ZMYND8: variants seen among roughly 807,000 people sequenced by gnomAD.
The protein encoded by ZMYND8 is zinc finger MYND-type containing 8, also known as MYND-type zinc finger-containing chromatin reader ZMYND8.
A neutral mutation model predicts 140.8 loss-of-function variants in ZMYND8; 37 were observed. The ratio of observed to expected loss-of-function variants is 0.26; its 90% CI spans 0.20 to 0.35. The LOEUF (loss-of-function observed/expected upper bound fraction) is 0.35, where lower values mean the gene tolerates loss of function less well. ZMYND8 is among the 10% of genes least tolerant of loss of function. The pLI is 1.00. For synonymous variants in ZMYND8, 592 were observed against 597.1 expected, an observed-to-expected ratio of 0.99 and a Z score of 0.12; for missense variants, 1,068 against 1,570.0, an observed-to-expected ratio of 0.68 and a Z score of 5.40.
rs1451231342 is a variant in ZMYND8 at position 47,238,981 on chromosome 20, G to A, written c.2442C>T (p.Ala814=). The part of the protein sequence containing the change: ...TVTVTAPAPA[A]TGSPVKKQRP... ...TCTGCTTTTTCACTGGGCTTCCTGTGGCGGCGGGGGCCGGGGCCGTGACGG... is the reference window on the plus strand; with the variant it reads ...TCTGCTTTTTCACTGGGCTTCCTGTAGCGGCGGGGGCCGGGGCCGTGACGG... The change falls in exon 15 of 23, where the codon GCC becomes GCT. Residue 814 remains alanine, a synonymous_variant. Transcript: ENST00000471951. 6.2e-7 allele frequency: 1 copy of A among 1,610,734 alleles called. No individual in the cohort carries two copies. Among genetic ancestry groups the A allele is most frequent in the Non-Finnish European group, 8.5e-7 (1 of 1,177,074 alleles).
intron 2 of ZMYND8, among the ~76,000 whole-genome samples, chr20:47,330,797 T>C (rs967412694): frequency 2.0e-5 from 3 of 152,182 alleles, no homozygotes; most frequent in East Asian, 1.9e-4. Context: ...GTCTCTAGGA[T>C]AGAAGTTCTA....
intron 2 of ZMYND8, among the ~76,000 whole-genome samples, chr20:47,331,110 A>G (rs912758745): frequency 1.5e-4 from 23 of 152,250 alleles, no homozygotes; most frequent in Admixed American, 1.4e-3. Flanking sequence ...AATGGAACAC[A>G]GAGAGAACAG....
Position 47,356,522 on chromosome 20 carries a change from A to C in ZMYND8, c.14+135T>G, listed in dbSNP as rs1275958053. 5 of 1,609,860 alleles carry C rather than the reference A, an allele frequency of 3.1e-6. No individual in the cohort carries two copies. The African/African-American group carries it at 5.3e-5, about 17-fold the overall frequency. ...CCAAGAAAGCAAAAAAATTCTCTCT[A>C]AACAGTTCCAAGTTAACATAAGTGC... On this transcript the variant is annotated intron_variant, in intron 1 of 22. Coordinates refer to ENST00000471951, the MANE Select transcript of ZMYND8 (RefSeq NM_001281775.3).
At chr20:47,306,973 G>A (rs539828549) in intron 3 of ZMYND8, among the ~76,000 whole-genome samples, 15 of 152,238 alleles carry the variant, frequency 9.9e-5, no homozygotes, top group Non-Finnish European at 1.6e-4. Context: ...AAAGGGGCAG[G>A]CTTGACTCAG....
At position 47,210,623 on chromosome 20, in the gene ZMYND8, CG is replaced by C. The variant is rs552777161; in HGVS notation, c.*137del. On this transcript the variant is annotated 3_prime_UTR_variant, in exon 23 of 23. Transcript: ENST00000471951. ...TCCTGTAGTGTAGCAGCCCCCGCGC[CG>C]GGGGCTCAGGCTCAACTGAGGGTTT... is the stretch of plus-strand genomic sequence containing the variant. The C allele has an allele frequency of 1.7e-5, 24 of 1,441,140 alleles. No homozygotes were observed. In the African/African-American group the frequency reaches 2.8e-4, roughly 17 times the overall value. The allele number at this position is 1,441,140 out of a possible 1,614,324, so 89.3% of individuals were successfully genotyped here.
rs115534354 is a variant in ZMYND8, at chr20:47,331,102, T to C, written c.85+16754A>G. 5.8e-3 allele frequency among the ~76,000 whole-genome samples: 875 copies of C among 151,914 alleles called. 9 individuals carry two copies. The highest frequency in any genetic ancestry group is 0.02 in the African/African-American group (835 of 41,448). Reference sequence around the variant, plus strand: ...CAGAGAGAACGGAACACGGAGAGAATGGAACACAGAGAGAACAGAGACTAG... The same window carrying C: ...CAGAGAGAACGGAACACGGAGAGAACGGAACACAGAGAGAACAGAGACTAG... On this transcript the variant is annotated intron_variant, in intron 2 of 22. Transcript: ENST00000471951.
intron 12 of ZMYND8, among the ~76,000 whole-genome samples, chr20:47,250,590 T>C (rs982354537): frequency 2.0e-5 from 3 of 152,220 alleles, no homozygotes; most frequent in East Asian, 3.8e-4. Context: ...CCTCCATTCA[T>C]TGGGCTGTGA....
intron 17 of ZMYND8, among the ~76,000 whole-genome samples, chr20:47,229,403 AC>A (rs1265008887): frequency 6.6e-6 from 1 of 152,126 alleles, no homozygotes; most frequent in South Asian, 2.1e-4. Context: ...AAAAGTCCAA[AC>A]TTCCAGAGAA....
At chr20:47,262,155 C>T in intron 12 of ZMYND8, 133 bp downstream of exon 12, 1 of 1,256,054 alleles carries the variant, frequency 8.0e-7, no homozygotes, top group African/African-American at 1.5e-5. Flanking sequence ...TCACCTTCAT[C>T]CTCTGAAACT....
intron 12 of ZMYND8, among the ~76,000 whole-genome samples, chr20:47,258,481 G>A (rs148108911): frequency 3.3e-5 from 5 of 152,274 alleles, no homozygotes; most frequent in African/African-American, 9.6e-5. Flanking sequence ...ATAGATTCCT[G>A]TAACCACCAC....
chr20:47,221,307 T>A lies in ZMYND8; in HGVS notation c.3417+7A>T. 1 of 1,613,662 alleles carries A rather than the reference T, an allele frequency of 6.2e-7. No individual in the cohort carries two copies. The highest frequency in any genetic ancestry group is 8.5e-7 in the Non-Finnish European group (1 of 1,179,972). ...GTCACTAGCCAAAGGCATGGGGGGA[T>A]CCTCACCGAGCCACTCTCCTTGCTT... On this transcript the variant is annotated splice_region_variant and intron_variant, in intron 20 of 22. Transcript: ENST00000471951.
At chr20:47,291,568 G>GT (rs2077267439) in intron 6 of ZMYND8, among the ~76,000 whole-genome samples, 1 of 152,146 alleles carries the variant, frequency 6.6e-6, no homozygotes, top group Admixed American at 6.5e-5. Context: ...CATCGCAAAA[G>GT]TATTACCAAA....
At chr20:47,326,988 G>A (rs2080476322) in intron 2 of ZMYND8, among the ~76,000 whole-genome samples, 1 of 152,188 alleles carries the variant, frequency 6.6e-6, no homozygotes, top group African/African-American at 2.4e-5. Context: ...CAAACTTGAA[G>A]TCTGGGGATG....
chr20:47,276,188 C>T, intron 11 of ZMYND8, 126 bp downstream of exon 11: 1 of 1,291,238 alleles, frequency 7.7e-7, no homozygotes, highest in South Asian at 2.6e-5. Flanking sequence ...TGAAAATCTG[C>T]TCTGTGGCCC....
At chr20:47,271,625 G>A (rs904341553) in intron 11 of ZMYND8, among the ~76,000 whole-genome samples, 7 of 152,154 alleles carry the variant, frequency 4.6e-5, no homozygotes, top group African/African-American at 1.4e-4. Flanking sequence ...TATAAAAAGC[G>A]CTGGAAACAC....
At chr20:47,260,433 C>G (rs1371797509) in intron 12 of ZMYND8, among the ~76,000 whole-genome samples, 1 of 152,030 alleles carries the variant, frequency 6.6e-6, no homozygotes, top group Non-Finnish European at 1.5e-5. Context: ...TGGGATGCAG[C>G]CACCCTGGCC....
At chr20:47,259,701 ACTC>A (rs1397936476) in intron 12 of ZMYND8, among the ~76,000 whole-genome samples, 2 of 151,810 alleles carry the variant, frequency 1.3e-5, no homozygotes, top group African/African-American at 4.8e-5. Flanking sequence ...CAGGGGCCTC[ACTC>A]CTGCTCAATG....
chr20:47,331,093 C>T (rs971781029), intron 2 of ZMYND8, among the ~76,000 whole-genome samples: 7 of 151,974 alleles, frequency 4.6e-5, no homozygotes, highest in African/African-American at 1.2e-4. Context: ...GAACGGAACA[C>T]GGAGAGAATG....
intron 1 of ZMYND8, 88 bp downstream of exon 1, chr20:47,356,569 G>A: frequency 1.9e-6 from 3 of 1,613,768 alleles, no homozygotes; most frequent in Non-Finnish European, 8.5e-7. Context: ...GTGTGGCACG[G>A]CCAGCCACAG....
Sources: gnomAD v4.1 joint callset for allele counts (sites outside exome capture counted in the v4.1 genomes callset) on GRCh38, gnomAD v4.1.1 for gene constraint, MANE v1.5 for transcripts, NCBI Gene and HGNC (gene_info 2026-07-23, HGNC 2026-07-21) for gene names.